The following GPR63 variants were observed in gnomAD, a reference collection of about 807,000 sequenced individuals.
GPR63 encodes probable G protein-coupled receptor 63.
In GPR63, 12 loss-of-function variants were observed where a neutral mutation model predicts 23.1. The ratio of observed to expected loss-of-function variants is 0.52; its 90% confidence interval spans 0.33 to 0.84. The LOEUF (loss-of-function observed/expected upper bound fraction) is 0.84, where lower values mean the gene tolerates loss of function less well. Ranked by LOEUF, GPR63 falls within the 40% of genes least tolerant of loss-of-function variation. The pLI is 0.02. For missense variants in GPR63, 472 were observed against 515.6 expected (o/e 0.92, Z 0.82); for synonymous variants, 172 against 191.1 (o/e 0.90, Z 0.82).
rs1773627841 is a variant in GPR63, at chr6:96,797,702, C to T, written c.*770G>A. On this transcript the variant is annotated 3_prime_UTR_variant, in exon 2 of 2. Coordinates refer to ENST00000229955, the MANE Select transcript of GPR63 (RefSeq NM_030784.4). Reference sequence around the variant, plus strand: ...CCTGTACCAGCCACTTGCCATCCCCCTCACTACATTCACCTTTTAAATTTG... The same window carrying T: ...CCTGTACCAGCCACTTGCCATCCCCTTCACTACATTCACCTTTTAAATTTG... The T allele has an allele frequency of 6.6e-6, 1 of 152,294 alleles. No individual in the cohort carries two copies. Among genetic ancestry groups the T allele is most frequent in the African/African-American group, 2.4e-5 (1 of 41,450 alleles). 9.4% of individuals were successfully genotyped at this position (152,294 alleles called of 1,614,324 possible). A position where few individuals can be genotyped will look rare whatever the true frequency, so the allele number is the denominator to read the frequency against.
intron 1 of GPR63, among the ~76,000 whole-genome samples, chr6:96,811,831 TC>T (rs1006733265): frequency 2.9e-5 from 4 of 138,370 alleles, no homozygotes; most frequent in African/African-American, 1.1e-4. Context: ...GAACTTTATT[TC>T]ATTAAAAATA....
chr6:96,827,354 C>T (rs1035861791), intron 1 of GPR63, among the ~76,000 whole-genome samples: 4 of 151,450 alleles, frequency 2.6e-5, no homozygotes, highest in East Asian at 1.9e-4. Flanking sequence ...TACAATCAAG[C>T]GAAAACAATG....
chr6:96,812,045 A>G (rs575388987), intron 1 of GPR63, among the ~76,000 whole-genome samples: 3 of 152,208 alleles, frequency 2.0e-5, no homozygotes, highest in African/African-American at 7.2e-5. Flanking sequence ...AGCTTTGAAA[A>G]CAAACCAAAA....
At chr6:96,811,489 A>G (rs1774042565) in intron 1 of GPR63, among the ~76,000 whole-genome samples, 1 of 152,230 alleles carries the variant, frequency 6.6e-6, no homozygotes. Flanking sequence ...TCTGGGCCAC[A>G]GCCTGTGCTT....
chr6:96,812,629 A>G (rs542120191), intron 1 of GPR63, among the ~76,000 whole-genome samples: 95 of 152,298 alleles, frequency 6.2e-4, no homozygotes, highest in African/African-American at 2.2e-3. Flanking sequence ...TGCAAAAAGC[A>G]AAAGAAGTGA....
intron 1 of GPR63, among the ~76,000 whole-genome samples, chr6:96,821,856 C>T (rs1774321505): frequency 6.6e-6 from 1 of 152,166 alleles, no homozygotes; most frequent in African/African-American, 2.4e-5. Context: ...CAAGCATAAT[C>T]TCTTGGCGTA....
At chr6:96,830,122 T>C (rs1482553177) in intron 1 of GPR63, among the ~76,000 whole-genome samples, 4 of 152,204 alleles carry the variant, frequency 2.6e-5, no homozygotes, top group Non-Finnish European at 5.9e-5. Context: ...AGAGGGTTGA[T>C]AAAGCAAGAG....
intron 1 of GPR63, among the ~76,000 whole-genome samples, chr6:96,830,170 T>C (rs1045186891): frequency 1.3e-5 from 2 of 152,190 alleles, no homozygotes; most frequent in Non-Finnish European, 2.9e-5. Context: ...AGAGGAATTC[T>C]AGGTGTATTT....
chr6:96,831,434 C>CAA (rs74893582), intron 1 of GPR63, among the ~76,000 whole-genome samples: 22 of 105,782 alleles, frequency 2.1e-4, no homozygotes, highest in Admixed American at 3.8e-4. Context: ...TTACACTTAC[C>CAA]AAAAAAAAAA....
chr6:96,815,329 T>C (rs538235720), intron 1 of GPR63, among the ~76,000 whole-genome samples: 43 of 152,284 alleles, frequency 2.8e-4, no homozygotes. Context: ...TAACTCAAAA[T>C]TGGAATGGCT....
intron 1 of GPR63, among the ~76,000 whole-genome samples, chr6:96,814,354 A>G (rs1167439073): frequency 6.6e-6 from 1 of 152,006 alleles, no homozygotes; most frequent in Non-Finnish European, 1.5e-5. Flanking sequence ...CTTATCCCAG[A>G]AAAAGAAAAA....
At position 96,822,053 on chromosome 6, in the gene GPR63, TA is replaced by T. The variant is rs563881785; in HGVS notation, c.-151+15214del. 2.2e-3 allele frequency among the ~76,000 whole-genome samples: 328 copies of T among 146,912 alleles called. 2 individuals are homozygous for T. Among genetic ancestry groups the T allele is most frequent in the African/African-American group, 6.9e-3 (278 of 40,230 alleles). On this transcript the variant is annotated intron_variant, in intron 1 of 1. Transcript: ENST00000229955. ...ACAGTCAACCATACACACACACACT[TA>T]AAAAAAAAAATCAAAGGATGGATCC...
intron 1 of GPR63, among the ~76,000 whole-genome samples, chr6:96,814,560 A>G (rs903674481): frequency 2.0e-5 from 3 of 152,190 alleles, no homozygotes; most frequent in African/African-American, 7.2e-5. Context: ...GACCGTGATT[A>G]GAACCCAGGG....
At chr6:96,825,871 G>C (rs894238742) in intron 1 of GPR63, among the ~76,000 whole-genome samples, 2 of 151,646 alleles carry the variant, frequency 1.3e-5, no homozygotes, top group African/African-American at 2.4e-5. Context: ...TGAGTATTGA[G>C]AGATATAATG....
chr6:96,800,494 C>A (rs1028378441), intron 1 of GPR63, among the ~76,000 whole-genome samples: 1 of 151,972 alleles, frequency 6.6e-6, no homozygotes, highest in Non-Finnish European at 1.5e-5. Flanking sequence ...CCAATTAATT[C>A]ATCAATTTTT....
intron 1 of GPR63, among the ~76,000 whole-genome samples, chr6:96,821,342 C>T (rs1348004965): frequency 6.6e-6 from 1 of 152,188 alleles, no homozygotes; most frequent in Non-Finnish European, 1.5e-5. Context: ...GACTATTTTT[C>T]CATACCTCAC....
At chr6:96,811,889 T>A (rs1019860341) in intron 1 of GPR63, among the ~76,000 whole-genome samples, 7 of 126,790 alleles carry the variant, frequency 5.5e-5, no homozygotes, top group African/African-American at 2.0e-4. Context: ...AATAAATAAA[T>A]AAAATAAAAG....
intron 1 of GPR63, among the ~76,000 whole-genome samples, chr6:96,801,641 A>G (rs1773768347): frequency 6.6e-6 from 1 of 152,208 alleles, no homozygotes; most frequent in South Asian, 2.1e-4. Flanking sequence ...TAGCTCTACA[A>G]TCCCATCTTT....
intron 1 of GPR63, among the ~76,000 whole-genome samples, chr6:96,832,180 T>C (rs1020234587): frequency 6.6e-6 from 1 of 152,098 alleles, no homozygotes; most frequent in Non-Finnish European, 1.5e-5. Context: ...TAAAAATAGA[T>C]ACCAAAATGC....
Sources: gnomAD v4.1 joint callset for allele counts (sites outside exome capture counted in the v4.1 genomes callset) on GRCh38, gnomAD v4.1.1 for gene constraint, MANE v1.5 for transcripts, NCBI Gene and HGNC (gene_info 2026-07-23, HGNC 2026-07-21) for gene names.